Variants in DLGAP4 observed in about 807,000 individuals in gnomAD.
DLGAP4 encodes DLG associated protein 4, also known as disks large-associated protein 4.
In DLGAP4, 18 loss-of-function variants were observed where a neutral mutation model predicts 86.9. The ratio of observed to expected loss-of-function variants is 0.21; its 90% confidence interval spans 0.14 to 0.31. DLGAP4 has a LOEUF of 0.31. Ranked by LOEUF, DLGAP4 falls within the 10% of genes least tolerant of loss-of-function variation. The pLI, the probability that DLGAP4 is intolerant of heterozygous loss-of-function variation, is 1.00. For missense variants in DLGAP4, 1,085 were observed against 1,362.6 expected, an observed-to-expected ratio of 0.80 and a Z score of 3.21; for synonymous variants, 548 against 574.3, an observed-to-expected ratio of 0.95 and a Z score of 0.65.
rs115663935 is a variant in DLGAP4, at chr20:36,483,484, T to C, written c.1649-13221T>C. Among the ~76,000 whole-genome samples the C allele has an allele frequency of 6.3e-3, 964 of 152,288 alleles. 11 individuals carry two copies. Among genetic ancestry groups the C allele is most frequent in the African/African-American group, 0.022 (907 of 41,554 alleles). ...ATGCATTTGCCTTCCTGGTCCTTTT[T>C]TATGTGTACTATGAGAGAGTGAATT... On this transcript the variant is annotated intron_variant, in intron 7 of 12. Transcript: ENST00000339266.
rs539585564 is a variant in DLGAP4 at position 36,349,104 on chromosome 20, C to CAAAA, written c.-303-17911_-303-17908dup. On this transcript the variant is annotated intron_variant, in intron 1 of 12. Coordinates refer to ENST00000339266, the MANE Select transcript of DLGAP4 (RefSeq NM_001365621.2). ...GGCGTGACAGAACAAGACTCCATCT[C>CAAAA]AAAAAAAAAAAAAAAAAAAAAAAAA... Among the ~76,000 whole-genome samples the CAAAA allele has an allele frequency of 5.5e-4, 22 of 39,898 alleles. 1 individual carries two copies. The highest frequency in any genetic ancestry group is 2.0e-3 in the African/African-American group (12 of 6,130). The allele number at this position is 39,898 out of a possible 152,430, so 26.2% of individuals were successfully genotyped here.
At position 36,435,732 on chromosome 20, in the gene DLGAP4, G is replaced by A. The variant is rs1001879476; in HGVS notation, c.1000-377G>A. On this transcript the variant is annotated intron_variant, in intron 3 of 12. Transcript: ENST00000339266. ...GGGCCTCTTTCTGCAAGTGCCTTGC[G>A]TCCCTCAGGCCTGGTGTTCTCATCT... Among the ~76,000 whole-genome samples, 7 of 152,172 alleles carry A rather than the reference G, an allele frequency of 4.6e-5. No individual in the cohort carries two copies. In the East Asian group the frequency reaches 1.2e-3, roughly 25 times the overall value.
At chr20:36,463,590 T>A (rs941292805) in intron 7 of DLGAP4, among the ~76,000 whole-genome samples, 2 of 152,192 alleles carry the variant, frequency 1.3e-5, no homozygotes, top group Non-Finnish European at 1.5e-5. Flanking sequence ...TCTTTGTTAG[T>A]CCGTTTGTAA....
At chr20:36,342,044 C>G (rs578197830) in intron 1 of DLGAP4, among the ~76,000 whole-genome samples, 2 of 152,310 alleles carry the variant, frequency 1.3e-5, no homozygotes, top group East Asian at 3.9e-4. Context: ...TCCCAGGAAC[C>G]CCTGGTGGCC....
chr20:36,416,228 T>A (rs1364185267), intron 2 of DLGAP4, among the ~76,000 whole-genome samples: 12 of 152,188 alleles, frequency 7.9e-5, no homozygotes, highest in Non-Finnish European at 1.6e-4. Context: ...TTCAAGCGAT[T>A]CTCCTGCCTC....
intron 7 of DLGAP4, chr20:36,462,118 T>G: frequency 1.0e-6 from 1 of 1,003,060 alleles, no homozygotes; most frequent in Non-Finnish European, 1.2e-6. Context: ...TGAACCCCCA[T>G]TGCCCCTGGG....
chr20:36,375,641 C>T (rs2031123904), intron 2 of DLGAP4, among the ~76,000 whole-genome samples: 1 of 152,056 alleles, frequency 6.6e-6, no homozygotes, highest in African/African-American at 2.4e-5. Context: ...ATCTCTGGAG[C>T]CAAAGCAGTT....
At chr20:36,489,199 C>T (rs1408051289) in intron 7 of DLGAP4, among the ~76,000 whole-genome samples, 1 of 152,168 alleles carries the variant, frequency 6.6e-6, no homozygotes, top group African/African-American at 2.4e-5. Flanking sequence ...GTAGCGGGCA[C>T]ATGTCTGCGA....
intron 10 of DLGAP4, chr20:36,510,740 A>G (rs1452252604): frequency 6.6e-6 from 1 of 151,900 alleles, no homozygotes; most frequent in Non-Finnish European, 1.5e-5. Context: ...TATTTCTAGT[A>G]GAGATGGGGT....
In DLGAP4 at chr20:36,306,757, G is replaced by T. The variant is rs575463956; in HGVS notation, c.-304+245G>T. On this transcript the variant is annotated intron_variant, in intron 1 of 12. Transcript: ENST00000339266. This position sits in a 1 kb window ranked among gnomAD's most constrained non-coding sequence, Gnocchi z 4.9. Reference sequence around the variant, plus strand: ...GGATCGCCCCATCCATGTCTCCCCGGACCCTCAAATCGGGGGCGGCGGCAC... The same window carrying T: ...GGATCGCCCCATCCATGTCTCCCCGTACCCTCAAATCGGGGGCGGCGGCAC... 2.4e-4 allele frequency among the ~76,000 whole-genome samples: 36 copies of T among 152,216 alleles called. No individual in the cohort carries two copies. The highest frequency in any genetic ancestry group is 1.4e-3 in the Admixed American group (21 of 15,294).
At chr20:36,513,382 A>C (rs1485347129) in intron 10 of DLGAP4, among the ~76,000 whole-genome samples, 1 of 149,846 alleles carries the variant, frequency 6.7e-6, no homozygotes, top group East Asian at 2.0e-4. Context: ...CCCCGTCTCT[A>C]CTAAAAATAC....
At chr20:36,317,333 TTC>T (rs2065118589) in intron 1 of DLGAP4, among the ~76,000 whole-genome samples, 4 of 140,008 alleles carry the variant, frequency 2.9e-5, no homozygotes, top group South Asian at 4.6e-4. Context: ...TCCTTCCTCT[TTC>T]TCTCTTTCTT....
At chr20:36,323,754 T>C (rs1435463141) in intron 1 of DLGAP4, among the ~76,000 whole-genome samples, 3 of 152,218 alleles carry the variant, frequency 2.0e-5, no homozygotes, top group Non-Finnish European at 2.9e-5. Context: ...TCACCTCAGA[T>C]CATCAGGCAT....
intron 6 of DLGAP4, among the ~76,000 whole-genome samples, chr20:36,443,548 G>C (rs1163122876): frequency 6.6e-6 from 1 of 152,160 alleles, no homozygotes; most frequent in Non-Finnish European, 1.5e-5. Flanking sequence ...TGTCACAGAA[G>C]CTGTGTGTTC....
chr20:36,498,344 CAG>C (rs1482940169), intron 8 of DLGAP4: 1 of 152,272 alleles, frequency 6.6e-6, no homozygotes, highest in Admixed American at 6.5e-5. Context: ...CTCAGAAACA[CAG>C]AGAGTAGCCT....
intron 1 of DLGAP4, among the ~76,000 whole-genome samples, chr20:36,356,228 A>G (rs577661133): frequency 3.9e-5 from 6 of 152,378 alleles, no homozygotes; most frequent in Non-Finnish European, 5.9e-5. Context: ...GTACACCACA[A>G]ATCCAGACAG....
Position 36,431,941 on chromosome 20 carries a change from A to T in DLGAP4, c.224A>T (p.His75Leu). Residue 75 changes from histidine (H) to leucine (L), a missense_variant, in exon 3 of 13, where the codon CAC (histidine) becomes CTC (leucine). His to Leu is a moderately conservative substitution (Grantham distance 99). Transcript: ENST00000339266. The surrounding 1 kb of genome is among the most constrained non-coding windows in gnomAD (Gnocchi z 5.1). The stretch of plus-strand genomic sequence containing the variant: ...CCCAGCAGCACCTTTCCCCGCATCC[A>T]CTACAACTCCCACTTCGAGGTGCCA... ...PPPSSTFPRI[H>L]YNSHFEVPEE... The T allele has an allele frequency of 6.2e-7, 1 of 1,613,954 alleles. No individual in the cohort carries two copies. The highest frequency in any genetic ancestry group is 8.5e-7 in the Non-Finnish European group (1 of 1,180,000).
intron 7 of DLGAP4, among the ~76,000 whole-genome samples, chr20:36,467,071 C>CG (rs2034446468): frequency 1.5e-5 from 2 of 133,094 alleles, no homozygotes; most frequent in African/African-American, 6.8e-5. Flanking sequence ...TCTCCCCCCC[C>CG]CTTCTCTCGG....
intron 2 of DLGAP4, among the ~76,000 whole-genome samples, chr20:36,402,558 G>C (rs1379678186): frequency 1.3e-5 from 2 of 152,028 alleles, no homozygotes; most frequent in Non-Finnish European, 2.9e-5. Flanking sequence ...GACCAGCCTG[G>C]GCAGCACAGT....
Sources: gnomAD v4.1 joint callset for allele counts (sites outside exome capture counted in the v4.1 genomes callset) on GRCh38, gnomAD v4.1.1 for gene constraint, Gnocchi (gnomAD v3.1) non-coding constraint, MANE v1.5 for transcripts, NCBI Gene and HGNC (gene_info 2026-07-23, HGNC 2026-07-21) for gene names.